The following DGKB variants were observed in gnomAD, a reference collection of about 807,000 sequenced individuals.
DGKB encodes diacylglycerol kinase beta.
Under a neutral mutation model 114.3 loss-of-function variants are expected in DGKB, and 67 were observed. The observed-to-expected ratio is 0.59, with a 90% CI of 0.48 to 0.72. The LOEUF is 0.72. Among genes scored for constraint, DGKB ranks in the 30% least tolerant of loss-of-function variants. The pLI is 0.00. For missense variants in DGKB, 907 were observed against 975.2 expected (o/e 0.93, Z 0.93); for synonymous variants, 398 against 323.1 (o/e 1.23, Z -2.49).
At chr7:14,369,925 T>C in intron 21 of DGKB, among the ~76,000 whole-genome samples, 1 of 152,366 alleles carries the variant, frequency 6.6e-6, no homozygotes, top group Admixed American at 6.5e-5. Context: ...TAGTTTCTTT[T>C]GCTGTGCAGA....
intron 20 of DGKB, among the ~76,000 whole-genome samples, chr7:14,546,827 A>G (rs556827093): frequency 6.6e-6 from 1 of 152,310 alleles, no homozygotes; most frequent in Non-Finnish European, 1.5e-5. Context: ...GACCAGTGAA[A>G]TGAGTGAATA....
intron 23 of DGKB, among the ~76,000 whole-genome samples, chr7:14,225,742 T>C (rs1000877765): frequency 6.6e-6 from 1 of 151,876 alleles, no homozygotes; most frequent in Admixed American, 6.6e-5. Context: ...AAAATAACAA[T>C]TAGTGGATTA....
chr7:14,177,734 G>T (rs1169808797), intron 24 of DGKB, among the ~76,000 whole-genome samples: 1 of 151,938 alleles, frequency 6.6e-6, no homozygotes, highest in Non-Finnish European at 1.5e-5. Flanking sequence ...AAATACTTTG[G>T]TGCTTCAGTA....
intron 17 of DGKB, among the ~76,000 whole-genome samples, chr7:14,587,414 T>C (rs1340141696): frequency 6.6e-6 from 1 of 152,094 alleles, no homozygotes; most frequent in Non-Finnish European, 1.5e-5. Context: ...TTTCTTGAAA[T>C]GGAATCTACT....
chr7:14,360,794 T>C (rs564455800), intron 21 of DGKB, among the ~76,000 whole-genome samples: 1 of 152,032 alleles, frequency 6.6e-6, no homozygotes, highest in African/African-American at 2.4e-5. Flanking sequence ...GTTCAACATG[T>C]GAGAAAAAAG....
intron 23 of DGKB, among the ~76,000 whole-genome samples, chr7:14,178,524 C>G (rs1311929955): frequency 6.6e-6 from 1 of 151,626 alleles, no homozygotes; most frequent in African/African-American, 2.4e-5. Context: ...AGCAAATACA[C>G]ATTTCAACAC....
chr7:14,881,277 A>AAC (rs1175065135), intron 1 of DGKB, among the ~76,000 whole-genome samples: 2 of 152,118 alleles, frequency 1.3e-5, no homozygotes, highest in Non-Finnish European at 2.9e-5. Flanking sequence ...CATTAGAGTC[A>AAC]CCTCTATAAA....
At chr7:14,673,400 CT>C (rs374138480) in intron 12 of DGKB, among the ~76,000 whole-genome samples, 42,520 of 130,764 alleles carry the variant, frequency 0.33, 5,964 homozygotes, top group Non-Finnish European at 0.42. Flanking sequence ...CCTGTGTATG[CT>C]TTTTTTTTTT....
At chr7:14,239,191 A>G (rs1004918470) in intron 23 of DGKB, among the ~76,000 whole-genome samples, 2 of 151,954 alleles carry the variant, frequency 1.3e-5, no homozygotes, top group Admixed American at 1.3e-4. Flanking sequence ...TTTTGTTTCC[A>G]TGGGTTGTTT....
intron 1 of DGKB, among the ~76,000 whole-genome samples, chr7:14,940,109 A>C (rs1460412228): frequency 6.6e-6 from 1 of 152,152 alleles, no homozygotes; most frequent in Non-Finnish European, 1.5e-5. Flanking sequence ...CTGCTAAAAA[A>C]TGATGGTCTT....
chr7:14,895,808 C>A (rs2128231076), intron 1 of DGKB, among the ~76,000 whole-genome samples: 1 of 151,770 alleles, frequency 6.6e-6, no homozygotes, highest in East Asian at 1.9e-4. Context: ...GTATGACTGA[C>A]AATCTCCATA....
rs189396358 is a variant in DGKB, at chr7:14,256,431, A to T, written c.2123-78280T>A. Among the ~76,000 whole-genome samples, 272 of 148,258 alleles carry T rather than the reference A, an allele frequency of 1.8e-3. 1 individual carries two copies. Among genetic ancestry groups the T allele is most frequent in the Non-Finnish European group, 3.6e-3 (240 of 67,502 alleles). On this transcript the variant is annotated intron_variant, in intron 23 of 25. Coordinates refer to ENST00000402815, the MANE Select transcript of DGKB (RefSeq NM_001350709.2). ...AAAGCCTCTCTTAAAGTTAATCTAC[A>T]GTATTTTATTTTTATTTCCATTCTA... is the stretch of plus-strand genomic sequence containing the variant.
rs537221635 is a variant in DGKB at position 14,630,542 on chromosome 7, A to G, written c.1135-274T>C. ...AGCATGCTGATCAACATCTTTGGTC[A>G]GCTTTAGCTCCAAGTTCCATTCTCT... On this transcript the variant is annotated intron_variant, in intron 13 of 25. Coordinates refer to ENST00000402815, the MANE Select transcript of DGKB (RefSeq NM_001350709.2). Among the ~76,000 whole-genome samples the G allele has an allele frequency of 1.9e-3, 285 of 152,212 alleles. 2 individuals are homozygous for G. The highest frequency in any genetic ancestry group is 6.5e-3 in the African/African-American group (270 of 41,570).
At chr7:14,348,521 C>T (rs554704116) in intron 21 of DGKB, among the ~76,000 whole-genome samples, 10 of 151,616 alleles carry the variant, frequency 6.6e-5, no homozygotes, top group Non-Finnish European at 1.3e-4. Flanking sequence ...AGATGCTCAA[C>T]GACATTAGCG....
intron 18 of DGKB, 39 bp from the exon 19 acceptor site, chr7:14,580,990 A>T: frequency 1.4e-6 from 2 of 1,465,746 alleles, no homozygotes; most frequent in South Asian, 2.5e-5. Flanking sequence ...GAAAATTTTA[A>T]GTTCAGATAA....
chr7:14,388,881 C>A (rs975076827), intron 21 of DGKB, among the ~76,000 whole-genome samples: 24 of 152,094 alleles, frequency 1.6e-4, no homozygotes, highest in Admixed American at 1.5e-3. Flanking sequence ...CTCCTACCAA[C>A]CTGGAACAGA....
chr7:14,457,352 A>T (rs908030237), intron 21 of DGKB, among the ~76,000 whole-genome samples: 2 of 152,148 alleles, frequency 1.3e-5, no homozygotes, highest in African/African-American at 4.8e-5. Flanking sequence ...TAACTGGGTA[A>T]AGTTATTAAA....
intron 13 of DGKB, among the ~76,000 whole-genome samples, chr7:14,632,326 T>G (rs1227771506): frequency 6.6e-6 from 1 of 151,818 alleles, no homozygotes; most frequent in Non-Finnish European, 1.5e-5. Context: ...AGAAGGTGCT[T>G]GCTGAAATAT....
chr7:14,710,580 T>C (rs1725299042), intron 6 of DGKB, among the ~76,000 whole-genome samples: 2 of 152,114 alleles, frequency 1.3e-5, no homozygotes, highest in Non-Finnish European at 2.9e-5. Flanking sequence ...CCAATATCAA[T>C]GAGAGAAACT....
Sources: gnomAD v4.1 joint callset for allele counts (sites outside exome capture counted in the v4.1 genomes callset) on GRCh38, gnomAD v4.1.1 for gene constraint, MANE v1.5 for transcripts, NCBI Gene and HGNC (gene_info 2026-07-23, HGNC 2026-07-21) for gene names.